UNC5C: variants seen among roughly 807,000 people sequenced by gnomAD.
UNC5C encodes the protein netrin receptor UNC5C.
A neutral mutation model predicts 99.8 loss-of-function variants in UNC5C; 47 were observed. The observed-to-expected ratio is 0.47, with a 90% confidence interval of 0.37 to 0.60. The LOEUF (loss-of-function observed/expected upper bound fraction) is 0.60, where lower values mean the gene tolerates loss of function less well. Ranked by LOEUF, UNC5C falls within the 20% of genes least tolerant of loss-of-function variation. UNC5C has a pLI of 0.00. For synonymous variants in UNC5C, 487 were observed against 452.2 expected (o/e 1.08, Z -0.98); for missense variants, 1,062 against 1,165.9 (o/e 0.91, Z 1.30).
intron 4 of UNC5C, among the ~76,000 whole-genome samples, chr4:95,262,667 A>T (rs1052396367): frequency 3.9e-5 from 6 of 152,210 alleles, no homozygotes; most frequent in African/African-American, 1.4e-4. Flanking sequence ...CAAAGGAGAT[A>T]AAGTTTATAC....
intron 1 of UNC5C, among the ~76,000 whole-genome samples, chr4:95,507,953 C>A (rs1721969919): frequency 6.6e-6 from 1 of 151,994 alleles, no homozygotes; most frequent in Admixed American, 6.6e-5. Context: ...ATGTTACCTT[C>A]TTTGAATCTC....
chr4:95,441,709 A>G (rs1746956750), intron 1 of UNC5C, among the ~76,000 whole-genome samples: 1 of 152,212 alleles, frequency 6.6e-6, no homozygotes, highest in South Asian at 2.1e-4. Context: ...ATTTTATTTA[A>G]TTATCACAGC....
At chr4:95,458,438 CATGGAG>C (rs1747506507) in intron 1 of UNC5C, among the ~76,000 whole-genome samples, 1 of 151,932 alleles carries the variant, frequency 6.6e-6, no homozygotes, top group Non-Finnish European at 1.5e-5. Flanking sequence ...TTTCTTTTTT[CATGGAG>C]CTGACAAATA....
At chr4:95,244,253 A>G (rs1014806652) in intron 6 of UNC5C, among the ~76,000 whole-genome samples, 1 of 152,238 alleles carries the variant, frequency 6.6e-6, no homozygotes. Flanking sequence ...AATATATTGT[A>G]TAACGAGGCA....
intron 2 of UNC5C, among the ~76,000 whole-genome samples, chr4:95,329,631 C>A (rs1743036017): frequency 6.6e-6 from 1 of 152,160 alleles, no homozygotes; most frequent in East Asian, 1.9e-4. Flanking sequence ...ATATCAACAA[C>A]TCTGCTCGAT....
At chr4:95,476,041 A>T (rs753651886) in intron 1 of UNC5C, among the ~76,000 whole-genome samples, 1 of 152,264 alleles carries the variant, frequency 6.6e-6, no homozygotes, top group African/African-American at 2.4e-5. Flanking sequence ...ATGAACTGTA[A>T]TAACTTAACG....
At chr4:95,365,855 C>A (rs1001315286) in intron 1 of UNC5C, among the ~76,000 whole-genome samples, 3 of 151,892 alleles carry the variant, frequency 2.0e-5, no homozygotes, top group African/African-American at 7.3e-5. Flanking sequence ...TGTTATTTTC[C>A]TTTTTATCTA....
At chr4:95,180,161 T>TAATTC (rs1560716663) in intron 14 of UNC5C, among the ~76,000 whole-genome samples, 2 of 152,192 alleles carry the variant, frequency 1.3e-5, no homozygotes, top group Non-Finnish European at 1.5e-5. Context: ...TTCTCCCATT[T>TAATTC]AATTCCCACA....
chr4:95,450,206 G>T (rs1747241919), intron 1 of UNC5C, among the ~76,000 whole-genome samples: 2 of 152,146 alleles, frequency 1.3e-5, no homozygotes, highest in Non-Finnish European at 2.9e-5. Context: ...TTGTAAGGTG[G>T]TGCTTCTTCC....
chr4:95,320,431 AAAAAAAAG>A (rs1018448397), intron 2 of UNC5C, among the ~76,000 whole-genome samples: 2 of 147,340 alleles, frequency 1.4e-5, no homozygotes, highest in Non-Finnish European at 3.0e-5. Flanking sequence ...TCAAAAAAAA[AAAAAAAAG>A]AAAAGAAAAG....
At position 95,534,995 on chromosome 4, in the gene UNC5C, T is replaced by C. The variant is rs181837100; in HGVS notation, c.124+13739A>G. ...CAAAGGGTAAAAAGTTTGCTAACTA[T>C]TCTTCCTGCTTTCTAATTATTTTTG... is the stretch of plus-strand genomic sequence containing the variant. On this transcript the variant is annotated intron_variant, in intron 1 of 15. Transcript: ENST00000453304. Among the ~76,000 whole-genome samples, 297 of 152,282 alleles carry C rather than the reference T, an allele frequency of 2.0e-3. 1 individual carries two copies. Among genetic ancestry groups the C allele is most frequent in the Admixed American group, 0.017 (264 of 15,284 alleles).
chr4:95,414,697 C>A (rs1409313835), intron 1 of UNC5C, among the ~76,000 whole-genome samples: 2 of 152,196 alleles, frequency 1.3e-5, no homozygotes, highest in Non-Finnish European at 2.9e-5. Flanking sequence ...AAAGTAAATT[C>A]TCCTCTATAT....
At chr4:95,507,525 C>T (rs1347893016) in intron 1 of UNC5C, among the ~76,000 whole-genome samples, 1 of 151,932 alleles carries the variant, frequency 6.6e-6, no homozygotes, top group African/African-American at 2.4e-5. Flanking sequence ...TTAGTTTCCT[C>T]TCTGATTTTT....
chr4:95,367,329 C>T (rs1744604872), intron 1 of UNC5C, among the ~76,000 whole-genome samples: 1 of 151,786 alleles, frequency 6.6e-6, no homozygotes, highest in Admixed American at 6.6e-5. Flanking sequence ...CCACCATGCC[C>T]AGCTAATTTT....
chr4:95,335,693 C>T, intron 1 of UNC5C, 62 bp from the exon 2 acceptor site: 1 of 1,341,696 alleles, frequency 7.5e-7, no homozygotes, highest in Non-Finnish European at 1.0e-6. Flanking sequence ...CTTCTACTTG[C>T]TAGTCATGTA....
chr4:95,190,061 A>G (rs1458406562), intron 12 of UNC5C, among the ~76,000 whole-genome samples: 1 of 152,200 alleles, frequency 6.6e-6, no homozygotes. Flanking sequence ...TTGCGGCACT[A>G]TTCACAATAG....
At chr4:95,313,868 A>G (rs1276712593) in intron 2 of UNC5C, among the ~76,000 whole-genome samples, 1 of 152,202 alleles carries the variant, frequency 6.6e-6, no homozygotes, top group African/African-American at 2.4e-5. Context: ...ATTTATTGAG[A>G]TAAGAAAGTA....
chr4:95,240,499 A>T (rs550845286), intron 7 of UNC5C, among the ~76,000 whole-genome samples: 1 of 152,302 alleles, frequency 6.6e-6, no homozygotes, highest in African/African-American at 2.4e-5. Context: ...GAGTTTATTG[A>T]CTTAGTAGGG....
intron 1 of UNC5C, among the ~76,000 whole-genome samples, chr4:95,473,648 C>T (rs1748044429): frequency 6.6e-6 from 1 of 152,076 alleles, no homozygotes; most frequent in South Asian, 2.1e-4. Context: ...AAAAGCCTAT[C>T]ATAAGATGAA....
Sources: allele counts gnomAD v4.1 joint callset (sites outside exome capture counted in the v4.1 genomes callset), GRCh38; gene constraint gnomAD v4.1.1; transcripts MANE v1.5; gene names NCBI Gene and HGNC (gene_info 2026-07-23, HGNC 2026-07-21).